DCTD: variants seen among roughly 807,000 people sequenced by gnomAD.
DCTD encodes the protein dCMP deaminase, also known as deoxycytidylate deaminase.
A neutral mutation model predicts 21.0 loss-of-function variants in DCTD; 23 were observed. That is an observed-to-expected ratio of 1.09 (90% CI 0.79 to 1.55). DCTD has a LOEUF of 1.55. DCTD is among the 40% of genes most tolerant of loss of function. DCTD has a pLI of 0.00. For synonymous variants in DCTD, 71 were observed against 81.1 expected, an observed-to-expected ratio of 0.88 and a Z score of 0.67; for missense variants, 224 against 230.0, an observed-to-expected ratio of 0.97 and a Z score of 0.17.
intron 3 of DCTD, among the ~76,000 whole-genome samples, 155 bp from the exon 4 acceptor site, chr4:182,894,760 G>A (rs1401227991): frequency 6.6e-6 from 1 of 152,236 alleles, no homozygotes; most frequent in African/African-American, 2.4e-5. Flanking sequence ...AATACCAAAT[G>A]AGGCCCACGT....
chr4:182,896,757 C>A (rs936075715), intron 3 of DCTD, among the ~76,000 whole-genome samples: 1 of 152,132 alleles, frequency 6.6e-6, no homozygotes, highest in African/African-American at 2.4e-5. Flanking sequence ...GTAATTGTTT[C>A]TTTTATTTCC....
intron 3 of DCTD, among the ~76,000 whole-genome samples, chr4:182,909,948 C>T (rs1031819110): frequency 6.6e-6 from 1 of 152,228 alleles, no homozygotes; most frequent in East Asian, 1.9e-4. Flanking sequence ...TGAACTCTTT[C>T]GCCTTAATTA....
intron 3 of DCTD, 145 bp downstream of exon 3, chr4:182,914,778 C>G: frequency 2.2e-6 from 2 of 899,472 alleles, no homozygotes; most frequent in East Asian, 5.2e-5. Context: ...AGAGACAAGG[C>G]CAGGAAATTG....
chr4:182,909,980 T>C (rs970066720), intron 3 of DCTD, among the ~76,000 whole-genome samples: 2 of 152,248 alleles, frequency 1.3e-5, no homozygotes, highest in African/African-American at 2.4e-5. Flanking sequence ...TTCAGCATTT[T>C]CCTTCCCAGC....
intron 5 of DCTD, among the ~76,000 whole-genome samples, chr4:182,892,180 T>A (rs1733887716): frequency 6.6e-6 from 1 of 152,176 alleles, no homozygotes; most frequent in African/African-American, 2.4e-5. Flanking sequence ...CCAGGGCACG[T>A]CACCTATGAC....
chr4:182,905,139 T>C (rs1736438748), intron 3 of DCTD, among the ~76,000 whole-genome samples: 1 of 152,112 alleles, frequency 6.6e-6, no homozygotes, highest in South Asian at 2.1e-4. Flanking sequence ...CTGTCCCCAT[T>C]GTCTCACCCT....
At chr4:182,916,455 TA>T (rs1289625009) in intron 1 of DCTD, 8 of 985,500 alleles carry the variant, frequency 8.1e-6, no homozygotes, top group Non-Finnish European at 9.6e-6. Context: ...GAATGTGGTC[TA>T]AAGGAAGGCA....
In DCTD at chr4:182,891,458, T is replaced by C. The variant is rs1000881314; in HGVS notation, c.478A>G (p.Ser160Gly). Residue 160 changes from serine (S) to glycine (G), a missense_variant, in exon 6 of 6, where the codon AGC (serine) becomes GGC (glycine). Transcript: ENST00000438320. ...VTFRKFIPKCSKIVIDFDSIN... is the reference protein window; with the variant it reads ...VTFRKFIPKCGKIVIDFDSIN... ...GAATCAAAGTCAATGACAATCTTGC[T>C]GCACTTCGGTATGAATTTCCTAAAA... 1.2e-6 allele frequency: 2 copies of C among 1,611,306 alleles called. No homozygotes were observed. The highest frequency in any genetic ancestry group is 1.3e-5 in the African/African-American group (1 of 74,884).
At chr4:182,893,612 C>T (rs528903179) in intron 4 of DCTD, among the ~76,000 whole-genome samples, 1 of 152,354 alleles carries the variant, frequency 6.6e-6, no homozygotes, top group Admixed American at 6.5e-5. Context: ...AGCGCTAACT[C>T]GGCAGCCAGG....
chr4:182,914,644 G>A (rs539855452), intron 3 of DCTD, among the ~76,000 whole-genome samples: 4 of 152,216 alleles, frequency 2.6e-5, no homozygotes, highest in African/African-American at 9.6e-5. Flanking sequence ...GCACTGGTGT[G>A]GTGCAGGCCA....
At position 182,894,574 on chromosome 4, in the gene DCTD, GTTCATGATGGCA is replaced by G. The variant is rs1413581769; in HGVS notation, c.264_275del (p.Ala89_Asn92del). ...AGCCTTTCACATCGGTCGAATTTTT[GTTCATGATGGCA>G]TTCAGCTCCGCATGGCACACTGTGG... On this transcript the variant is annotated inframe_deletion, in exon 4 of 6. Coordinates refer to ENST00000438320, the MANE Select transcript of DCTD (RefSeq NM_001921.3). The G allele has an allele frequency of 1.2e-6, 2 of 1,613,972 alleles. No homozygotes were observed. The highest frequency in any genetic ancestry group is 2.7e-5 in the African/African-American group (2 of 74,932).
chr4:182,908,839 T>G (rs1737202450), intron 3 of DCTD, among the ~76,000 whole-genome samples: 2 of 152,208 alleles, frequency 1.3e-5, no homozygotes, highest in African/African-American at 2.4e-5. Flanking sequence ...AGGCTACTAA[T>G]TTTTCAACAA....
At chr4:182,912,858 C>A (rs1392383793) in intron 3 of DCTD, among the ~76,000 whole-genome samples, 1 of 152,160 alleles carries the variant, frequency 6.6e-6, no homozygotes, top group Non-Finnish European at 1.5e-5. Context: ...TCAGTGCTCA[C>A]CCAGGACCCC....
Position 182,916,419 on chromosome 4 carries a change from C to A in DCTD, c.-7-844G>T, listed in dbSNP as rs149792999. ...GACAACACAAAAACGGGGTGGGTAC[C>A]ACGGAGAAATCTTGAGAAAGGCGAG... On this transcript the variant is annotated intron_variant, in intron 1 of 5. Transcript: ENST00000438320. 8.8e-5 allele frequency: 87 copies of A among 985,534 alleles called. No individual in the cohort carries two copies. In the African/African-American group the frequency reaches 1.4e-3, roughly 16 times the overall value. The allele number at this position is 985,534 out of a possible 1,614,324, so 61.0% of individuals were successfully genotyped here.
chr4:182,915,971 G>C (rs1738658143), intron 1 of DCTD: 1 of 718,872 alleles, frequency 1.4e-6, no homozygotes, highest in Non-Finnish European at 1.8e-6. Flanking sequence ...CATTGTTAAA[G>C]TTTATACACA....
Position 182,915,056 on chromosome 4 carries a change from G to A in DCTD, c.111C>T (p.Val37=), listed in dbSNP as rs778571143. ...TTTCTGAATTCACGATGCAGGCGCC[G>A]ACCTAGAAGGAAACATGCCCAAAGG... ...AQRSKDPNSQ[V]GACIVNSENK... is the part of the protein sequence containing the mutation. Residue 37 remains valine (V), a splice_region_variant and synonymous_variant, in exon 3 of 6, where the codon GTC becomes GTT. Coordinates refer to ENST00000438320, the MANE Select transcript of DCTD (RefSeq NM_001921.3). 47 of 1,614,164 alleles carry A rather than the reference G, an allele frequency of 2.9e-5. No individual in the cohort carries two copies. The East Asian group carries it at 5.3e-4, about 18-fold the overall frequency.
intron 5 of DCTD, among the ~76,000 whole-genome samples, chr4:182,892,562 G>A (rs998470768): frequency 6.6e-6 from 1 of 152,002 alleles, no homozygotes; most frequent in Non-Finnish European, 1.5e-5. Flanking sequence ...CTGAGAAGCG[G>A]AGGTTGCAGT....
intron 4 of DCTD, among the ~76,000 whole-genome samples, chr4:182,893,796 G>A (rs1359226556): frequency 1.3e-5 from 2 of 152,220 alleles, no homozygotes; most frequent in Non-Finnish European, 2.9e-5. Context: ...GAGCCCACGC[G>A]ACTCCTCAGT....
At chr4:182,899,169 G>T (rs1022599599) in intron 3 of DCTD, among the ~76,000 whole-genome samples, 2 of 152,080 alleles carry the variant, frequency 1.3e-5, no homozygotes, top group African/African-American at 4.8e-5. Flanking sequence ...GCCACAGGAG[G>T]GTCTCGTCAT....
Sources: gnomAD v4.1 joint callset for allele counts (sites outside exome capture counted in the v4.1 genomes callset) on GRCh38, gnomAD v4.1.1 for gene constraint, MANE v1.5 for transcripts, NCBI Gene and HGNC (gene_info 2026-07-23, HGNC 2026-07-21) for gene names.